PLEKHA4: variants seen among roughly 807,000 people sequenced by gnomAD.
PLEKHA4 encodes the protein pleckstrin homology domain containing A4.
A neutral mutation model predicts 94.7 loss-of-function variants in PLEKHA4; 73 were observed. The ratio of observed to expected loss-of-function variants is 0.77; its 90% CI spans 0.64 to 0.94. PLEKHA4 has a LOEUF of 0.94. PLEKHA4 is among the 40% of genes least tolerant of loss of function. The pLI, the probability that PLEKHA4 is intolerant of heterozygous loss-of-function variation, is 0.00. For missense variants in PLEKHA4, 1,049 were observed against 1,054.1 expected (o/e 1.00, Z 0.07); for synonymous variants, 449 against 437.1 (o/e 1.03, Z -0.34).
At position 48,853,999 on chromosome 19, in the gene PLEKHA4, C is replaced by T; in HGVS notation, c.1176+8G>A. 6.2e-7 allele frequency: 1 copy of T among 1,614,000 alleles called. No individual in the cohort carries two copies. Among genetic ancestry groups the T allele is most frequent in the Non-Finnish European group, 8.5e-7 (1 of 1,179,912 alleles). On this transcript the variant is annotated splice_region_variant and intron_variant, in intron 11 of 19. Coordinates refer to ENST00000263265, the MANE Select transcript of PLEKHA4 (RefSeq NM_020904.3). ...CAGGCGCCCTGTCCTTGGCCCAGGG[C>T]CCCGCACCTTCTCCTCCTGCTTCTG...
chr19:48,842,942 G>C (rs1220227132), intron 16 of PLEKHA4, among the ~76,000 whole-genome samples: 2 of 152,044 alleles, frequency 1.3e-5, no homozygotes, highest in African/African-American at 4.8e-5. Flanking sequence ...GAACTCACTA[G>C]ACCACCCCTG....
chr19:48,837,663 C>G lies in PLEKHA4; in HGVS notation c.2078-112G>C. On this transcript the variant is annotated intron_variant, in intron 19 of 19. Transcript: ENST00000263265. The surrounding 1 kb of genome is among the most constrained non-coding windows in gnomAD (Gnocchi z 4.3). ...TCCGGATTCCCAGCCCCTCCTCCATCAGACCCAGGAGTCCAGGCCCCCAGC... is the reference window on the plus strand; with the variant it reads ...TCCGGATTCCCAGCCCCTCCTCCATGAGACCCAGGAGTCCAGGCCCCCAGC... The G allele has an allele frequency of 8.2e-6, 11 of 1,345,158 alleles. No homozygotes were observed. The South Asian group carries it at 1.4e-4, about 17-fold the overall frequency. The allele number at this position is 1,345,158 out of a possible 1,614,324, so 83.3% of individuals were successfully genotyped here.
chr19:48,854,352 A>C (rs1198862079), intron 9 of PLEKHA4, 88 bp from the exon 10 acceptor site: 3 of 1,106,236 alleles, frequency 2.7e-6, no homozygotes, highest in Non-Finnish European at 4.2e-6. Context: ...GTCTCTACTG[A>C]TAGGTACTGC....
At chr19:48,860,494 G>C in intron 5 of PLEKHA4, 35 bp from the exon 6 acceptor site, 3 of 1,550,390 alleles carry the variant, frequency 1.9e-6, no homozygotes, top group African/African-American at 1.4e-5. Flanking sequence ...CCGGACTCCC[G>C]GGCCTTGTAA....
intron 3 of PLEKHA4, among the ~76,000 whole-genome samples, chr19:48,861,928 C>A (rs1210953703): frequency 3.3e-5 from 5 of 151,736 alleles, no homozygotes; most frequent in African/African-American, 4.8e-5. Flanking sequence ...GAGTTTGAGA[C>A]CAGCTTGGGT....
At chr19:48,851,073 G>A (rs775965599) in intron 13 of PLEKHA4, among the ~76,000 whole-genome samples, 2 of 152,024 alleles carry the variant, frequency 1.3e-5, no homozygotes, top group Non-Finnish European at 2.9e-5. Flanking sequence ...CCTGGGAGGC[G>A]GAGGTTGCAG....
intron 3 of PLEKHA4, among the ~76,000 whole-genome samples, chr19:48,863,061 C>T (rs1231048542): frequency 1.3e-5 from 2 of 151,582 alleles, no homozygotes; most frequent in Non-Finnish European, 2.9e-5. Context: ...CTACTCATCG[C>T]CTCTGCCTGA....
At chr19:48,858,054 C>A (rs2036493028) in intron 8 of PLEKHA4, among the ~76,000 whole-genome samples, 1 of 152,106 alleles carries the variant, frequency 6.6e-6, no homozygotes, top group African/African-American at 2.4e-5. Context: ...CCTCAACTAC[C>A]TGCTCTCCAG....
chr19:48,855,235 A>C (rs2036356855), intron 9 of PLEKHA4, among the ~76,000 whole-genome samples: 1 of 151,488 alleles, frequency 6.6e-6, no homozygotes, highest in African/African-American at 2.4e-5. Context: ...CAAAGAGGGA[A>C]GATCACTTGA....
At chr19:48,856,354 C>G (rs907002560) in intron 9 of PLEKHA4, among the ~76,000 whole-genome samples, 2 of 131,392 alleles carry the variant, frequency 1.5e-5, no homozygotes, top group Non-Finnish European at 3.7e-5. Context: ...GAGGCCGAGG[C>G]GGGCAGATCA....
Position 48,859,505 on chromosome 19 carries a change from TG to T in PLEKHA4, c.655del (p.His219ThrfsTer25), listed in dbSNP as rs754541748. The T allele has an allele frequency of 6.2e-7, 1 of 1,613,742 alleles. No individual in the cohort carries two copies. The highest frequency in any genetic ancestry group is 1.1e-5 in the South Asian group (1 of 91,064). Reference sequence around the variant, plus strand: ...CGCCCTCCGCATCTGGAGTCCAGAGTGGAGGTCGGTTGTGGGGCTGGGAGTG... The same window carrying T: ...CGCCCTCCGCATCTGGAGTCCAGAGTGAGGTCGGTTGTGGGGCTGGGAGTG... ...LLTPSPTTDL[H>X]SGLQMRRARS... On this transcript the variant is annotated frameshift_variant, in exon 7 of 20. Coordinates refer to ENST00000263265, the MANE Select transcript of PLEKHA4 (RefSeq NM_020904.3). LOFTEE classifies it high-confidence loss of function.
chr19:48,848,121 G>T, intron 13 of PLEKHA4, 81 bp from the exon 14 acceptor site: 2 of 1,391,562 alleles, frequency 1.4e-6, no homozygotes, highest in Non-Finnish European at 2.0e-6. Flanking sequence ...GCAAAGGTCT[G>T]AAATCAGCTG....
At chr19:48,838,617 G>C (rs1457006026) in intron 18 of PLEKHA4, among the ~76,000 whole-genome samples, 1 of 151,280 alleles carries the variant, frequency 6.6e-6, no homozygotes, top group Non-Finnish European at 1.5e-5. Context: ...ATACAAAAAA[G>C]TTAGCCAGGC....
chr19:48,862,066 G>C (rs2036663151), intron 3 of PLEKHA4, among the ~76,000 whole-genome samples: 2 of 152,008 alleles, frequency 1.3e-5, no homozygotes, highest in Non-Finnish European at 2.9e-5. Context: ...GTGGGGTGGA[G>C]GCACAGGAGA....
intron 9 of PLEKHA4, among the ~76,000 whole-genome samples, chr19:48,855,731 G>A (rs1286813652): frequency 1.3e-5 from 2 of 152,034 alleles, no homozygotes; most frequent in African/African-American, 4.8e-5. Context: ...TGAGGCTGCA[G>A]TGAGCCATGA....
Position 48,853,503 on chromosome 19 carries a change from A to C in PLEKHA4, c.1326+179T>G, listed in dbSNP as rs117011853. Among the ~76,000 whole-genome samples, 114 of 61,274 alleles carry C rather than the reference A, an allele frequency of 1.9e-3. 1 individual carries two copies. The highest frequency in any genetic ancestry group is 3.1e-3 in the South Asian group (6 of 1,908). The allele number at this position is 61,274 out of a possible 152,430, so 40.2% of individuals were successfully genotyped here. A position where few individuals can be genotyped will look rare whatever the true frequency, so the allele number is the denominator to read the frequency against. ...GACAGAGCAAGACTCTGTCCCCCCC[A>C]AAAAAAAAAAAATTAGAGTGGTTAC... On this transcript the variant is annotated intron_variant, in intron 12 of 19. Transcript: ENST00000263265.
At chr19:48,857,051 G>A (rs1335965240) in intron 9 of PLEKHA4, among the ~76,000 whole-genome samples, 1 of 151,952 alleles carries the variant, frequency 6.6e-6, no homozygotes, top group African/African-American at 2.4e-5. Context: ...AAAACACAAA[G>A]GAAGATCATC....
chr19:48,842,947 C>A (rs756610782), intron 16 of PLEKHA4, among the ~76,000 whole-genome samples: 4 of 152,180 alleles, frequency 2.6e-5, no homozygotes, highest in Non-Finnish European at 5.9e-5. Flanking sequence ...CACTAGACCA[C>A]CCCTGTGCTC....
chr19:48,843,241 C>T (rs2035833421), intron 16 of PLEKHA4, among the ~76,000 whole-genome samples: 1 of 152,042 alleles, frequency 6.6e-6, no homozygotes, highest in South Asian at 2.1e-4. Context: ...TGCAATGGCA[C>T]GATCTTGGCT....
Sources: gnomAD v4.1 joint callset for allele counts (sites outside exome capture counted in the v4.1 genomes callset) on GRCh38, gnomAD v4.1.1 for gene constraint, Gnocchi (gnomAD v3.1) non-coding constraint, MANE v1.5 for transcripts, NCBI Gene and HGNC (gene_info 2026-07-23, HGNC 2026-07-21) for gene names.